Variants in MYO5C observed in about 807,000 individuals in gnomAD.
The protein encoded by MYO5C is myosin VC.
MYO5C carries 194 observed loss-of-function variants against 235.7 expected under a neutral mutation model. The ratio of observed to expected loss-of-function variants is 0.82; its 90% CI spans 0.73 to 0.93. The LOEUF is 0.93. Among genes scored for constraint, MYO5C ranks in the 40% least tolerant of loss-of-function variants. The pLI is 0.00. For synonymous variants in MYO5C, 707 were observed against 754.8 expected (o/e 0.94, Z 1.04); for missense variants, 2,038 against 2,127.2 (o/e 0.96, Z 0.82).
chr15:52,261,736 G>A (rs759307713), intron 9 of MYO5C, among the ~76,000 whole-genome samples: 19 of 152,216 alleles, frequency 1.2e-4, no homozygotes, highest in Non-Finnish European at 2.1e-4. Context: ...GAGCTGCCCC[G>A]CTGGTCAGCA....
chr15:52,272,471 AC>A (rs2036944825), intron 6 of MYO5C, 108 bp downstream of exon 6: 1 of 1,064,928 alleles, frequency 9.4e-7, no homozygotes, highest in African/African-American at 1.6e-5. Context: ...AGACAAGAAA[AC>A]CCTACTCTTC....
Position 52,279,767 on chromosome 15 carries a change from C to A in MYO5C, c.139-93G>T, listed in dbSNP as rs1188708505. 3 of 1,207,756 alleles carry A rather than the reference C, an allele frequency of 2.5e-6. No individual in the cohort carries two copies. In the African/African-American group the frequency reaches 4.6e-5, roughly 19 times the overall value. The allele number at this position is 1,207,756 out of a possible 1,614,324, so 74.8% of individuals were successfully genotyped here. On this transcript the variant is annotated intron_variant, in intron 2 of 40. Coordinates refer to ENST00000261839, the MANE Select transcript of MYO5C (RefSeq NM_018728.4). Reference sequence around the variant, plus strand: ...TCCTTTGTCCTATCCACCCCTCCATCAGAGTCATCACTGACATTAAAAAGC... The same window carrying A: ...TCCTTTGTCCTATCCACCCCTCCATAAGAGTCATCACTGACATTAAAAAGC...
rs938070782 is a variant in MYO5C at position 52,275,550 on chromosome 15, A to T, written c.606+12T>A. On this transcript the variant is annotated intron_variant, in intron 5 of 40. Coordinates refer to ENST00000261839, the MANE Select transcript of MYO5C (RefSeq NM_018728.4). ...TCACCAACACCCAGCTGCCTTCCGC[A>T]GTGGTACGCACCTCGGTGATGGGAT... 10 of 1,613,912 alleles carry T rather than the reference A, an allele frequency of 6.2e-6. No homozygotes were observed. The highest frequency in any genetic ancestry group is 1.6e-4 in the Middle Eastern group (1 of 6,082).
chr15:52,235,662 A>C lies in MYO5C; in HGVS notation c.2962+8T>G, dbSNP rs1008603464. 6.2e-7 allele frequency: 1 copy of C among 1,601,572 alleles called. No individual in the cohort carries two copies. The highest frequency in any genetic ancestry group is 8.5e-7 in the Non-Finnish European group (1 of 1,172,746). ...TGAATGTCTGGATTTGTGCCCCCCA[A>C]GCTTTACCTTTTAACTCTTCAGTCT... On this transcript the variant is annotated splice_region_variant and intron_variant, in intron 23 of 40. Coordinates refer to ENST00000261839, the MANE Select transcript of MYO5C (RefSeq NM_018728.4).
At chr15:52,249,754 G>C (rs1275669059) in intron 13 of MYO5C, among the ~76,000 whole-genome samples, 1 of 152,244 alleles carries the variant, frequency 6.6e-6, no homozygotes, top group Non-Finnish European at 1.5e-5. Flanking sequence ...GCGAGCATCT[G>C]TGGGGACAGT....
intron 32 of MYO5C, 140 bp downstream of exon 32, chr15:52,218,379 T>C: frequency 1.1e-6 from 1 of 873,766 alleles, no homozygotes; most frequent in South Asian, 1.8e-5. Context: ...CACCTGTCTT[T>C]TGGGATAAGA....
rs377577821 is a variant in MYO5C, at chr15:52,279,570, G to A, written c.243C>T (p.Pro81=). ...GGATTCTGAGGTTGTGGAGCACCGC[G>A]GGCTCGTGAAGATAGCTGAGAGCCG... is the stretch of plus-strand genomic sequence containing the variant. ...DLTALSYLHE[P]AVLHNLRIRF... Residue 81 remains proline, a synonymous_variant, in exon 3 of 41, where the codon CCC becomes CCT. Transcript: ENST00000261839. 5.4e-5 allele frequency: 87 copies of A among 1,614,092 alleles called. No individual in the cohort carries two copies. In the African/African-American group the frequency reaches 8.8e-4, roughly 16 times the overall value.
At chr15:52,234,489 G>GA (rs11304135) in intron 23 of MYO5C, among the ~76,000 whole-genome samples, 1 of 152,076 alleles carries the variant, frequency 6.6e-6, no homozygotes, top group East Asian at 1.9e-4. Context: ...AGTTAGGGGG[G>GA]AAAAAAGCCA....
chr15:52,225,651 C>G (rs1177442195), intron 25 of MYO5C, 119 bp from the exon 26 acceptor site: 4 of 708,946 alleles, frequency 5.6e-6, no homozygotes, highest in Non-Finnish European at 7.5e-6. Context: ...ACTGCAGTTT[C>G]TTTCTTAGCT....
chr15:52,211,709 A>G (rs773200679), intron 35 of MYO5C, 21 bp downstream of exon 35: 11 of 1,610,382 alleles, frequency 6.8e-6, no homozygotes, highest in Admixed American at 3.3e-5. Context: ...ACCAGGGGCC[A>G]ATGTCAAAGG....
At chr15:52,274,861 G>A (rs1798987166) in intron 5 of MYO5C, among the ~76,000 whole-genome samples, 1 of 152,122 alleles carries the variant, frequency 6.6e-6, no homozygotes, top group African/African-American at 2.4e-5. Flanking sequence ...AGGGAGAAGA[G>A]GTCTAGTAGT....
At chr15:52,251,641 T>TTTTATTTATTTATTTA (rs201403762) in intron 12 of MYO5C, 126 bp from the exon 13 acceptor site, 2 of 323,636 alleles carry the variant, frequency 6.2e-6, no homozygotes, top group Non-Finnish European at 1.0e-5. Context: ...ATTAGAGGCT[T>TTTTATTTATTTATTTA]TTTATTTATT....
intron 16 of MYO5C, 48 bp downstream of exon 16, chr15:52,246,869 G>A (rs2036359208): frequency 3.3e-6 from 5 of 1,497,294 alleles, no homozygotes; most frequent in Non-Finnish European, 4.6e-6. Context: ...CTTTATGGCA[G>A]AAACTGCCTT....
At chr15:52,277,480 G>A (rs1221651604) in intron 4 of MYO5C, among the ~76,000 whole-genome samples, 1 of 152,112 alleles carries the variant, frequency 6.6e-6, no homozygotes, top group African/African-American at 2.4e-5. Flanking sequence ...GTATGCATTT[G>A]CATTCTCCTC....
chr15:52,192,567 G>C lies in MYO5C; in HGVS notation c.*1335C>G, dbSNP rs2034951163. 6.6e-6 allele frequency: 1 copy of C among 152,178 alleles called. No homozygotes were observed. Among genetic ancestry groups the C allele is most frequent in the African/African-American group, 2.4e-5 (1 of 41,436 alleles). The allele number at this position is 152,178 out of a possible 1,614,324, so 9.4% of individuals were successfully genotyped here. On this transcript the variant is annotated 3_prime_UTR_variant, in exon 41 of 41. Transcript: ENST00000261839. ...AGGTGCAATTGGGATTCTTAGGTTG[G>C]TGACAGAATAGCACTGGATCCACAG...
intron 1 of MYO5C, among the ~76,000 whole-genome samples, chr15:52,287,561 A>G (rs2037301907): frequency 6.6e-6 from 1 of 152,204 alleles, no homozygotes; most frequent in Admixed American, 6.5e-5. Flanking sequence ...TATGCCCCCC[A>G]AAAGAATTGT....
Position 52,256,587 on chromosome 15 carries a change from A to ACACACACACACG in MYO5C, c.1395+51_1395+52insCGTGTGTGTGTG. 2,444 of 567,276 alleles carry ACACACACACACG rather than the reference A, an allele frequency of 4.3e-3. 38 individuals carry two copies. The highest frequency in any genetic ancestry group is 0.035 in the African/African-American group (1,786 of 50,814). 35.1% of individuals were successfully genotyped at this position (567,276 alleles called of 1,614,324 possible). On this transcript the variant is annotated intron_variant, in intron 11 of 40. Transcript: ENST00000261839. ...AACACACACACACACACACACACAC[A>ACACACACACACG]CGCGCGCGCGCGCGGCTGAGAACTA...
chr15:52,264,405 G>A (rs1270543963), intron 8 of MYO5C, 109 bp from the exon 9 acceptor site: 2 of 879,256 alleles, frequency 2.3e-6, no homozygotes, highest in Non-Finnish European at 3.5e-6. Flanking sequence ...GCCAAGCTCT[G>A]GGACAGGAAC....
chr15:52,194,129 CA>C, intron 40 of MYO5C, 75 bp from the exon 41 acceptor site: 1 of 1,433,422 alleles, frequency 7.0e-7, no homozygotes, highest in South Asian at 1.3e-5. Context: ...AAAGTCAAGG[CA>C]AAACACAGCT....
Sources: gnomAD v4.1 joint callset for allele counts (sites outside exome capture counted in the v4.1 genomes callset) on GRCh38, gnomAD v4.1.1 for gene constraint, MANE v1.5 for transcripts, NCBI Gene and HGNC (gene_info 2026-07-23, HGNC 2026-07-21) for gene names.